Variants in ABR observed in about 807,000 individuals in gnomAD.
ABR encodes the protein ABR activator of RhoGEF and GTPase.
Under a neutral mutation model 107.2 loss-of-function variants are expected in ABR, and 35 were observed. The observed-to-expected ratio is 0.33, with a 90% CI of 0.25 to 0.43. The LOEUF is 0.43. Ranked by LOEUF, ABR falls within the 20% of genes least tolerant of loss-of-function variation. The pLI is 1.00. For missense variants in ABR, 815 were observed against 1,115.2 expected, an observed-to-expected ratio of 0.73 and a Z score of 3.83; for synonymous variants, 498 against 462.0, an observed-to-expected ratio of 1.08 and a Z score of -1.00.
rs1224987667 is a variant in ABR at position 1,194,820 on chromosome 17, A to C, written c.838+33973T>G. Among the ~76,000 whole-genome samples, 3 of 121,516 alleles carry C rather than the reference A, an allele frequency of 2.5e-5. 1 individual carries two copies. In the East Asian group the frequency reaches 1.2e-3, roughly 49 times the overall value. 79.7% of individuals were successfully genotyped at this position (121,516 alleles called of 152,430 possible). ...AGGCATGTGCCACCATGCCCTAAAAATTTTGTATTTTTAGTAGAGACAGGG... is the reference window on the plus strand; with the variant it reads ...AGGCATGTGCCACCATGCCCTAAAACTTTTGTATTTTTAGTAGAGACAGGG... On this transcript the variant is annotated intron_variant, in intron 1 of 22. Transcript: ENST00000574139.
At chr17:1,123,839 G>C (rs2039463443) in intron 2 of ABR, among the ~76,000 whole-genome samples, 1 of 152,168 alleles carries the variant, frequency 6.6e-6, no homozygotes, top group African/African-American at 2.4e-5. Context: ...TTTGTACCCT[G>C]AGCCCAATGC....
chr17:1,212,804 G>A (rs563786029), intron 1 of ABR, among the ~76,000 whole-genome samples: 34 of 152,060 alleles, frequency 2.2e-4, no homozygotes, highest in Admixed American at 9.8e-4. Context: ...CAGGAGAATC[G>A]CTTGAGCCCA....
chr17:1,009,855 G>T, intron 20 of ABR, 71 bp from the exon 21 acceptor site: 3 of 1,375,406 alleles, frequency 2.2e-6, no homozygotes, highest in Non-Finnish European at 3.1e-6. Context: ...TGGTCGTGAG[G>T]CTGTGGGCCC....
At chr17:1,021,888 G>A (rs1439406867) in intron 16 of ABR, among the ~76,000 whole-genome samples, 1 of 151,636 alleles carries the variant, frequency 6.6e-6, no homozygotes, top group African/African-American at 2.4e-5. Context: ...GCCGGGCGCG[G>A]TGGCTCATGC....
chr17:1,176,376 A>T (rs1185794255), intron 1 of ABR, among the ~76,000 whole-genome samples: 1 of 152,244 alleles, frequency 6.6e-6, no homozygotes, highest in Non-Finnish European at 1.5e-5. Context: ...GAATAAACTC[A>T]GACATACCCA....
At chr17:1,187,562 A>C (rs571563238), upstream of ABR, among the ~76,000 whole-genome samples, 1 of 152,340 alleles carries the variant, frequency 6.6e-6, no homozygotes, top group Admixed American at 6.5e-5. Flanking sequence ...CATGGGGAGA[A>C]TGATCATCCC....
intron 16 of ABR, among the ~76,000 whole-genome samples, chr17:1,020,696 A>G (rs934882892): frequency 6.6e-6 from 1 of 152,190 alleles, no homozygotes; most frequent in African/African-American, 2.4e-5. Context: ...GTGGCCCCGC[A>G]GCGGGGAGAG....
rs1322039628 is a variant in ABR, at chr17:1,150,194, C to T, written c.62-24827G>A. Among the ~76,000 whole-genome samples, 6 of 151,990 alleles carry T rather than the reference C, an allele frequency of 3.9e-5. No homozygotes were observed. The highest frequency in any genetic ancestry group is 3.3e-4 in the Admixed American group (5 of 15,240). ...GATTACAGACGTGAGCCACCGCGCCCGGCCTGTGTCAGAATTTTTTTTGTT... is the reference window on the plus strand; with the variant it reads ...GATTACAGACGTGAGCCACCGCGCCTGGCCTGTGTCAGAATTTTTTTTGTT... On this transcript the variant is annotated intron_variant, in intron 1 of 22. Coordinates refer to ENST00000302538, the MANE Select transcript of ABR (RefSeq NM_021962.5). The surrounding 1 kb of genome is among the most constrained non-coding windows in gnomAD (Gnocchi z 4.8).
At chr17:1,159,083 C>T (rs9900680) in intron 1 of ABR, among the ~76,000 whole-genome samples, 11,821 of 152,262 alleles carry the variant, frequency 0.078, 782 homozygotes, top group African/African-American at 0.18. Flanking sequence ...TTTTGAAATG[C>T]GTAAAACTAA....
intron 17 of ABR, 100 bp from the exon 18 acceptor site, chr17:1,012,897 G>A (rs886586961): frequency 2.2e-5 from 25 of 1,125,492 alleles, no homozygotes; most frequent in African/African-American, 1.5e-5. Flanking sequence ...GCAAATGAGG[G>A]CTAGCTCACA....
Position 1,179,821 on chromosome 17 carries a change from G to C in ABR, c.-94C>G, listed in dbSNP as rs556777543. On this transcript the variant is annotated 5_prime_UTR_variant, in exon 1 of 23. Coordinates refer to ENST00000302538, the MANE Select transcript of ABR (RefSeq NM_021962.5). The surrounding 1 kb of genome is among the most constrained non-coding windows in gnomAD (Gnocchi z 4.9). Reference sequence around the variant, plus strand: ...GGGAGCCGGGGGAGGCCGAAGTTGCGAGCGCGGAGGGGCGAGGAGGCCGGG... The same window carrying C: ...GGGAGCCGGGGGAGGCCGAAGTTGCCAGCGCGGAGGGGCGAGGAGGCCGGG... 3.1e-6 allele frequency: 4 copies of C among 1,276,362 alleles called. No homozygotes were observed. The Admixed American group carries it at 9.8e-5, about 31-fold the overall frequency. 79.1% of individuals were successfully genotyped at this position (1,276,362 alleles called of 1,614,324 possible). A position where few individuals can be genotyped will look rare whatever the true frequency, so the allele number is the denominator to read the frequency against.
chr17:1,125,055 A>G, intron 2 of ABR, 128 bp downstream of exon 2: 1 of 958,582 alleles, frequency 1.0e-6, no homozygotes, highest in South Asian at 1.9e-5. Flanking sequence ...CGAGGCACCA[A>G]GAACGGCCAG....
intron 1 of ABR, among the ~76,000 whole-genome samples, chr17:1,217,163 G>A (rs981762361): frequency 6.6e-6 from 1 of 152,162 alleles, no homozygotes; most frequent in African/African-American, 2.4e-5. Context: ...AACAGAAGGC[G>A]AGGCAGCTGC....
intron 1 of ABR, among the ~76,000 whole-genome samples, chr17:1,151,495 A>AT (rs35544207): frequency 0.071 from 10,746 of 152,104 alleles, 461 homozygotes; most frequent in Middle Eastern, 0.15. Context: ...CACCTCTCTC[A>AT]TTCTGCCATT....
intron 1 of ABR, among the ~76,000 whole-genome samples, chr17:1,175,990 C>T (rs1416828777): frequency 6.6e-6 from 1 of 152,080 alleles, no homozygotes; most frequent in Non-Finnish European, 1.5e-5. Flanking sequence ...ACTCGGGAGG[C>T]TGAGGCAGGA....
intron 16 of ABR, among the ~76,000 whole-genome samples, chr17:1,044,987 T>C (rs1467895762): frequency 2.0e-5 from 3 of 152,200 alleles, no homozygotes. Flanking sequence ...GAAGACTCCA[T>C]ACAGCTCTAG....
At chr17:1,226,566 ATG>A (rs1240147002) in intron 1 of ABR, among the ~76,000 whole-genome samples, 6 of 149,924 alleles carry the variant, frequency 4.0e-5, no homozygotes, top group Non-Finnish European at 7.4e-5. Context: ...GTGTGCAGGT[ATG>A]TGTGTGCATG....
chr17:1,007,593 C>T (rs371525154), intron 21 of ABR, among the ~76,000 whole-genome samples: 1 of 152,232 alleles, frequency 6.6e-6, no homozygotes, highest in Non-Finnish European at 1.5e-5. Context: ...ATGCCAACTC[C>T]AGCTCCCTTG....
In ABR at chr17:1,031,657, G is replaced by A. The variant is rs924222609; in HGVS notation, c.1791+18393C>T. On this transcript the variant is annotated intron_variant, in intron 16 of 22. Transcript: ENST00000302538. The stretch of plus-strand genomic sequence containing the variant: ...CAGAGCCGGGCGCCGGTGTTGGGGG[G>A]GCGCTTGCTCCCCGACTCCTCCAGC... The A allele has an allele frequency of 2.2e-5, 28 of 1,258,776 alleles. 1 individual carries two copies. The Admixed American group carries it at 1.1e-3, about 47-fold the overall frequency. The allele number at this position is 1,258,776 out of a possible 1,614,324, so 78.0% of individuals were successfully genotyped here.
Sources: gnomAD v4.1 joint callset for allele counts (sites outside exome capture counted in the v4.1 genomes callset) on GRCh38, gnomAD v4.1.1 for gene constraint, Gnocchi (gnomAD v3.1) non-coding constraint, MANE v1.5 for transcripts, NCBI Gene and HGNC (gene_info 2026-07-23, HGNC 2026-07-21) for gene names.